NLRP5: variants seen among roughly 807,000 people sequenced by gnomAD.
The protein encoded by NLRP5 is NLR family pyrin domain containing 5, also known as NACHT, LRR and PYD domains-containing protein 5.
NLRP5 carries 93 observed loss-of-function variants against 113.1 expected under a neutral mutation model. That is an observed-to-expected ratio of 0.82 (90% CI 0.70 to 0.98). The LOEUF (loss-of-function observed/expected upper bound fraction) is 0.98. Among genes scored for constraint, NLRP5 ranks in the 50% least tolerant of loss-of-function variants. NLRP5 has a pLI of 0.00. For synonymous variants in NLRP5, 751 were observed against 600.7 expected, an observed-to-expected ratio of 1.25 and a Z score of -3.66; for missense variants, 1,808 against 1,514.3, an observed-to-expected ratio of 1.19 and a Z score of -3.22.
intron 6 of NLRP5, among the ~76,000 whole-genome samples, chr19:56,023,161 G>A (rs927904794): frequency 4.6e-5 from 7 of 152,166 alleles, no homozygotes; most frequent in South Asian, 2.1e-4. Context: ...AAGTATAGAC[G>A]TGATAATTAA....
At chr19:56,042,964 T>C (rs945866549) in intron 11 of NLRP5, among the ~76,000 whole-genome samples, 5 of 137,148 alleles carry the variant, frequency 3.6e-5, no homozygotes, top group Admixed American at 1.4e-4. Context: ...TTCCATCATA[T>C]ATGTATGTGT....
chr19:56,018,926 TG>T (rs1221323801), intron 4 of NLRP5, among the ~76,000 whole-genome samples: 1 of 152,192 alleles, frequency 6.6e-6, no homozygotes, highest in African/African-American at 2.4e-5. Context: ...CCTGAGTAGC[TG>T]GGATTACAGG....
rs188746531 is a variant in NLRP5, at chr19:56,022,691, G to C, written c.679+2260G>C. ...GTTATCACTTAGAAAAAACCTATGA[G>C]AGAATATTTTTTGTTAGAAGTAAAA... On this transcript the variant is annotated intron_variant, in intron 6 of 14. Coordinates refer to ENST00000390649, the MANE Select transcript of NLRP5 (RefSeq NM_153447.4). 1.4e-4 allele frequency among the ~76,000 whole-genome samples: 21 copies of C among 152,278 alleles called. No homozygotes were observed. The East Asian group carries it at 4.0e-3, about 29-fold the overall frequency.
At position 56,028,450 on chromosome 19, in the gene NLRP5, T is replaced by C. The variant is rs1476707468; in HGVS notation, c.2217T>C (p.Asp739=). The change falls in exon 7 of 15, where the codon GAT becomes GAC. Residue 739 remains aspartate, a synonymous_variant. Coordinates refer to ENST00000390649, the MANE Select transcript of NLRP5 (RefSeq NM_153447.4). ...CGTATTTGCGGAAAATTCGGGTGGA[T>C]GTCAAAGGGATCTTCCCAAGAGATG... 2.5e-6 allele frequency: 4 copies of C among 1,613,898 alleles called. No homozygotes were observed. Among genetic ancestry groups the C allele is most frequent in the African/African-American group, 2.7e-5 (2 of 75,048 alleles).
Position 56,028,489 on chromosome 19 carries a change from A to G in NLRP5, c.2256A>G (p.Ala752=), listed in dbSNP as rs1347879080. The stretch of plus-strand genomic sequence containing the variant: ...TCCCAAGAGATGAGTCCGCTGAGGC[A>G]TGTCCTGTGGTCCCTCTATGGTGAG... The change falls in exon 7 of 15, where the codon GCA becomes GCG. Residue 752 remains alanine, a synonymous_variant. Transcript: ENST00000390649. The G allele has an allele frequency of 1.9e-6, 3 of 1,613,602 alleles. No homozygotes were observed. Among genetic ancestry groups the G allele is most frequent in the Non-Finnish European group, 1.7e-6 (2 of 1,179,864 alleles).
intron 11 of NLRP5, among the ~76,000 whole-genome samples, chr19:56,049,430 CT>C (rs1484641419): frequency 6.6e-6 from 1 of 152,134 alleles, no homozygotes; most frequent in African/African-American, 2.4e-5. Flanking sequence ...ATCCACCCAC[CT>C]CAGCCACCCA....
Position 56,014,794 on chromosome 19 carries a change from AC to A in NLRP5, c.509-946del, listed in dbSNP as rs1982342905. On this transcript the variant is annotated intron_variant, in intron 3 of 14. Coordinates refer to ENST00000390649, the MANE Select transcript of NLRP5 (RefSeq NM_153447.4). The stretch of plus-strand genomic sequence containing the variant: ...TCTCTATATCTGACCTTGTGCCTGA[AC>A]CACACTGACTTAACTACTATTGCTT... Among the ~76,000 whole-genome samples the A allele has an allele frequency of 2.6e-5, 4 of 152,250 alleles. No homozygotes were observed. In the South Asian group the frequency reaches 8.3e-4, roughly 32 times the overall value.
Position 56,032,743 on chromosome 19 carries a change from C to T in NLRP5, c.2409C>T (p.Ala803=), listed in dbSNP as rs1983170862. The change falls in exon 8 of 15, where the codon GCC becomes GCT. Residue 803 remains alanine, a synonymous_variant. Transcript: ENST00000390649. Reference sequence around the variant, plus strand: ...AGCGGGCCATGAAGACCCTGTGTGCCAAGCTGAGGCATCCCACCTGCAAGA... The same window carrying T: ...AGCGGGCCATGAAGACCCTGTGTGCTAAGCTGAGGCATCCCACCTGCAAGA... The T allele has an allele frequency of 6.2e-7, 1 of 1,612,322 alleles. No individual in the cohort carries two copies. Among genetic ancestry groups the T allele is most frequent in the Non-Finnish European group, 8.5e-7 (1 of 1,179,584 alleles).
chr19:56,019,958 T>G (rs938686910), intron 5 of NLRP5, among the ~76,000 whole-genome samples: 1 of 151,654 alleles, frequency 6.6e-6, no homozygotes, highest in Admixed American at 6.6e-5. Context: ...TGTCTCAGCC[T>G]CCCGAGTAGC....
chr19:56,003,251 A>G (rs1269903103), intron 1 of NLRP5, among the ~76,000 whole-genome samples: 4 of 152,178 alleles, frequency 2.6e-5, no homozygotes. Flanking sequence ...TTCCAGATTC[A>G]AGCGATTCTC....
rs202132235 is a variant in NLRP5 at position 56,027,766 on chromosome 19, C to A, written c.1533C>A (p.Thr511=). 4.3e-6 allele frequency: 7 copies of A among 1,613,716 alleles called. No individual in the cohort carries two copies. In the Admixed American group the frequency reaches 1.0e-4, roughly 23 times the overall value. ...CCGCTTTTGTGTTTCATCAGCTCAC[C>A]CCTCGAGGCGTGGTCCGGCGCTGTC... is the stretch of plus-strand genomic sequence containing the variant. Residue 511 remains threonine (T), a synonymous_variant, in exon 7 of 15, where the codon ACC becomes ACA. Transcript: ENST00000390649.
At chr19:55,990,148 G>A in the NLRP5 span, among the ~76,000 whole-genome samples, 2 of 130,720 alleles carry the variant, frequency 1.5e-5, no homozygotes, top group Non-Finnish European at 3.1e-5. Context: ...GAGTGCAATG[G>A]TGAGATCTCA....
intron 7 of NLRP5, among the ~76,000 whole-genome samples, chr19:56,031,605 T>C (rs927928262): frequency 7.5e-6 from 1 of 133,618 alleles, no homozygotes; most frequent in East Asian, 2.2e-4. Flanking sequence ...CACTCCAGCC[T>C]GGGAGATAGA....
chr19:55,987,956 C>G, the NLRP5 span: 1 of 1,462,970 alleles, frequency 6.8e-7, no homozygotes, highest in African/African-American at 1.4e-5. Flanking sequence ...GATCAGTTCC[C>G]ACTCTGACAA....
Position 56,058,448 on chromosome 19 carries a change from G to C in NLRP5, c.3470+38G>C, listed in dbSNP as rs1599916577. The stretch of plus-strand genomic sequence containing the variant: ...CAATTGTCTTCTGAGATACAGACCT[G>C]CTTCTGTTCCAGGCTTGTTAGCTGG... On this transcript the variant is annotated intron_variant, in intron 14 of 14. Transcript: ENST00000390649. The C allele has an allele frequency of 1.9e-6, 3 of 1,558,202 alleles. No individual in the cohort carries two copies. In the Admixed American group the frequency reaches 5.7e-5, roughly 30 times the overall value.
rs371164644 is a variant in NLRP5, at chr19:56,028,342, A to G, written c.2109A>G (p.Ala703=). 55 of 1,613,880 alleles carry G rather than the reference A, an allele frequency of 3.4e-5. No individual in the cohort carries two copies. The Middle Eastern group carries it at 4.9e-4, about 14-fold the overall frequency. The change falls in exon 7 of 15, where the codon GCA becomes GCG. Residue 703 remains alanine (A), a synonymous_variant. Transcript: ENST00000390649. ...AAGACAAAGAGTTTGTTCGCTTGGCATTAAACAGCTTCCAAGAAGTGTGGC... is the reference window on the plus strand; with the variant it reads ...AAGACAAAGAGTTTGTTCGCTTGGCGTTAAACAGCTTCCAAGAAGTGTGGC...
intron 11 of NLRP5, among the ~76,000 whole-genome samples, chr19:56,049,124 G>A (rs1983836208): frequency 6.7e-6 from 1 of 149,238 alleles, no homozygotes; most frequent in Non-Finnish European, 1.5e-5. Context: ...TGGGACTACA[G>A]GTGTGTGCCG....
intron 13 of NLRP5, among the ~76,000 whole-genome samples, chr19:56,056,934 G>A (rs10412646): frequency 0.025 from 3,824 of 152,220 alleles, 167 homozygotes; most frequent in African/African-American, 0.082. Flanking sequence ...GAGGTCAGGA[G>A]TTCGAGACCA....
rs1983177376 is a variant in NLRP5, at chr19:56,032,896, G to A, written c.2447+115G>A. On this transcript the variant is annotated intron_variant, in intron 8 of 14. Transcript: ENST00000390649. ...TCAAGTGCAGCCTGAGGGCATAAGT[G>A]CCACCAAAGGTGTAGGAACCAAGTT... The A allele has an allele frequency of 5.8e-6, 6 of 1,027,188 alleles. No individual in the cohort carries two copies. The South Asian group carries it at 8.5e-5, about 15-fold the overall frequency. 63.6% of individuals were successfully genotyped at this position (1,027,188 alleles called of 1,614,324 possible). A position where few individuals can be genotyped will look rare whatever the true frequency, so the allele number is the denominator to read the frequency against.
Sources: allele counts gnomAD v4.1 joint callset (sites outside exome capture counted in the v4.1 genomes callset), GRCh38; gene constraint gnomAD v4.1.1; transcripts MANE v1.5; gene names NCBI Gene and HGNC (gene_info 2026-07-23, HGNC 2026-07-21).